The following RBBP8 variants were observed in gnomAD, a reference collection of about 807,000 sequenced individuals.
RBBP8 encodes the protein RB binding protein 8, endonuclease.
RBBP8 carries 88 observed loss-of-function variants against 108.3 expected under a neutral mutation model. The observed-to-expected ratio is 0.81, with a 90% CI of 0.68 to 0.97. The LOEUF (loss-of-function observed/expected upper bound fraction) is 0.97, where lower values mean the gene tolerates loss of function less well. RBBP8 is among the 50% of genes least tolerant of loss of function. RBBP8 has a pLI of 0.00. For synonymous variants in RBBP8, 332 were observed against 348.2 expected, an observed-to-expected ratio of 0.95 and a Z score of 0.52; for missense variants, 1,023 against 1,049.0, an observed-to-expected ratio of 0.98 and a Z score of 0.34.
At chr18:22,944,097 G>A (rs947279777) in intron 2 of RBBP8, among the ~76,000 whole-genome samples, 5 of 152,154 alleles carry the variant, frequency 3.3e-5, no homozygotes, top group Non-Finnish European at 7.4e-5. Flanking sequence ...CATTCCTTCC[G>A]ATGGGTGTGG....
At chr18:22,938,669 A>T (rs1910786207) in intron 2 of RBBP8, among the ~76,000 whole-genome samples, 1 of 152,204 alleles carries the variant, frequency 6.6e-6, no homozygotes. Flanking sequence ...TTGAATTCTG[A>T]TTTCATTTAC....
chr18:22,945,883 A>G (rs1052708703), intron 2 of RBBP8, among the ~76,000 whole-genome samples: 4 of 152,170 alleles, frequency 2.6e-5, no homozygotes, highest in African/African-American at 9.7e-5. Context: ...TGCAGTTTCA[A>G]TGCCTGTCAG....
intron 3 of RBBP8, among the ~76,000 whole-genome samples, chr18:22,947,795 C>T (rs1911694183): frequency 6.6e-6 from 1 of 152,070 alleles, no homozygotes; most frequent in Non-Finnish European, 1.5e-5. Flanking sequence ...TAAATTATTT[C>T]TGCAATTAGT....
At chr18:22,991,673 C>G (rs892660622) in intron 10 of RBBP8, among the ~76,000 whole-genome samples, 3 of 152,150 alleles carry the variant, frequency 2.0e-5, no homozygotes, top group African/African-American at 4.8e-5. Flanking sequence ...CAACATAGTA[C>G]TTGGCACATG....
chr18:22,918,666 C>T (rs575885972), intron 3 of RBBP8, among the ~76,000 whole-genome samples: 2 of 152,144 alleles, frequency 1.3e-5, no homozygotes, highest in South Asian at 2.1e-4. Context: ...AATTAATTGG[C>T]CAAGAATTTA....
At chr18:22,975,284 G>C in intron 6 of RBBP8, 65 bp downstream of exon 6, 3 of 1,576,504 alleles carry the variant, frequency 1.9e-6, no homozygotes, top group East Asian at 2.3e-5. Context: ...GAAGATAACT[G>C]TAAGAGTTGC....
intron 17 of RBBP8, 29 bp downstream of exon 17, chr18:23,016,953 TTTTAAGTACGGCTTTATAGA>T: frequency 6.7e-7 from 1 of 1,486,118 alleles, no homozygotes; most frequent in Non-Finnish European, 9.4e-7. Flanking sequence ...ACTAATTTTT[TTTTAAGTACGGCTTTATAGA>T]TAATAAATGC....
intron 1 of RBBP8, among the ~76,000 whole-genome samples, chr18:22,935,519 A>G (rs1251193716): frequency 6.6e-6 from 1 of 152,092 alleles, no homozygotes; most frequent in Admixed American, 6.5e-5. Context: ...GCAAAGCTTG[A>G]TAGTTTATTT....
chr18:22,940,568 C>G (rs1486984613), intron 2 of RBBP8, among the ~76,000 whole-genome samples: 1 of 151,950 alleles, frequency 6.6e-6, no homozygotes, highest in Non-Finnish European at 1.5e-5. Flanking sequence ...GATCCGCCCG[C>G]CTCAGCCTCC....
rs538999812 is a variant in RBBP8 at position 23,021,207 on chromosome 18, C to T, written c.2455-922C>T. 7.2e-5 allele frequency among the ~76,000 whole-genome samples: 11 copies of T among 152,196 alleles called. No individual in the cohort carries two copies. The South Asian group carries it at 1.2e-3, about 17-fold the overall frequency. On this transcript the variant is annotated intron_variant, in intron 17 of 18. Transcript: ENST00000327155. ...GGTGGATCACTTGAGGTCAGGAATTCGAGACCAGCCTGGCCAACATATAGT... is the reference window on the plus strand; with the variant it reads ...GGTGGATCACTTGAGGTCAGGAATTTGAGACCAGCCTGGCCAACATATAGT...
At chr18:23,017,999 G>C (rs1261395647) in intron 17 of RBBP8, among the ~76,000 whole-genome samples, 2 of 151,936 alleles carry the variant, frequency 1.3e-5, no homozygotes, top group African/African-American at 4.8e-5. Context: ...GCCTGCCTTG[G>C]CCTCCCAAAG....
intron 6 of RBBP8, among the ~76,000 whole-genome samples, chr18:22,976,584 G>T (rs1914512598): frequency 6.6e-6 from 1 of 152,090 alleles, no homozygotes. Flanking sequence ...CTCCACTGGA[G>T]CTGTTATGTA....
At chr18:22,939,620 C>G (rs1910884498) in intron 2 of RBBP8, among the ~76,000 whole-genome samples, 1 of 152,162 alleles carries the variant, frequency 6.6e-6, no homozygotes, top group African/African-American at 2.4e-5. Context: ...ATATGAACAA[C>G]CCCAAAAGTA....
chr18:22,929,276 G>A (rs1252199598), upstream of RBBP8: 5 of 152,242 alleles, frequency 3.3e-5, no homozygotes, highest in Admixed American at 6.5e-5. Flanking sequence ...GCTTTAAGCA[G>A]GGAGTGTGAT....
In RBBP8 at chr18:22,992,930, G is replaced by C. The variant is rs745787011; in HGVS notation, c.1103G>C (p.Cys368Ser). ...AAAACACTCCCTTTTAGCAACACTT[G>C]TATATCTAGATTAGAAAAAACTAGA... ...HLKTLPFSNT[C>S]ISRLEKTRSK... The change falls in exon 11 of 19, where the codon TGT (cysteine) becomes TCT (serine). Residue 368 changes from cysteine (C) to serine (S), a missense_variant. Physicochemically the swap from Cys to Ser is moderately radical, Grantham distance 112 (BLOSUM62 -1). Transcript: ENST00000327155. 12 of 1,613,678 alleles carry C rather than the reference G, an allele frequency of 7.4e-6. No homozygotes were observed. The highest frequency in any genetic ancestry group is 8.5e-6 in the Non-Finnish European group (10 of 1,179,724).
chr18:22,991,299 T>G (rs1915684762), intron 10 of RBBP8, among the ~76,000 whole-genome samples: 1 of 152,226 alleles, frequency 6.6e-6, no homozygotes, highest in Non-Finnish European at 1.5e-5. Context: ...TCCCAGTACT[T>G]GTCACTCTGC....
intron 4 of RBBP8, among the ~76,000 whole-genome samples, chr18:22,955,260 G>A (rs1311897115): frequency 1.3e-5 from 2 of 152,078 alleles, no homozygotes; most frequent in Admixed American, 6.5e-5. Context: ...TGGGATGAGG[G>A]ATATGTAGCT....
At chr18:22,964,692 A>G (rs1232223407) in intron 4 of RBBP8, among the ~76,000 whole-genome samples, 7 of 151,464 alleles carry the variant, frequency 4.6e-5, no homozygotes, top group Non-Finnish European at 1.0e-4. Flanking sequence ...GGATCTGACT[A>G]TGTTGCCTGT....
chr18:22,926,579 T>C (rs942486311), intron 3 of RBBP8, among the ~76,000 whole-genome samples: 1 of 152,212 alleles, frequency 6.6e-6, no homozygotes, highest in Non-Finnish European at 1.5e-5. Context: ...TCGGGCAAAT[T>C]ATGTGCCAGT....
Sources: gnomAD v4.1 joint callset for allele counts (sites outside exome capture counted in the v4.1 genomes callset) on GRCh38, gnomAD v4.1.1 for gene constraint, MANE v1.5 for transcripts, NCBI Gene and HGNC (gene_info 2026-07-23, HGNC 2026-07-21) for gene names.